The following DYDC2 variants were observed in gnomAD, a reference collection of about 807,000 sequenced individuals.
DYDC2 encodes the protein DPY30 domain-containing protein 2.
DYDC2 carries 19 observed loss-of-function variants against 18.7 expected under a neutral mutation model. That is an observed-to-expected ratio of 1.02 (90% CI 0.71 to 1.49). The LOEUF is 1.49. DYDC2 is among the 40% of genes most tolerant of loss of function. The pLI, the probability that DYDC2 is intolerant of heterozygous loss-of-function variation, is 0.00. For missense variants in DYDC2, 179 were observed against 205.1 expected (o/e 0.87, Z 0.78); for synonymous variants, 63 against 67.6 (o/e 0.93, Z 0.34).
Position 80,358,821 on chromosome 10 carries a change from G to A in DYDC2, c.-10+776G>A, listed in dbSNP as rs574659372. ...ATGAAGCCGTGGACCCTCACAGTGA[G>A]TATTACAGTTCTTAAAGGCGGCGTG... is the stretch of plus-strand genomic sequence containing the variant. On this transcript the variant is annotated intron_variant, in intron 2 of 4. Transcript: ENST00000256039. Among the ~76,000 whole-genome samples the A allele has an allele frequency of 2.6e-5, 4 of 152,272 alleles. No individual in the cohort carries two copies. The East Asian group carries it at 5.8e-4, about 22-fold the overall frequency.
At chr10:80,365,443 A>G (rs1320820736) in intron 4 of DYDC2, among the ~76,000 whole-genome samples, 1 of 152,270 alleles carries the variant, frequency 6.6e-6, no homozygotes. Context: ...TTGTTTATAA[A>G]GATCTAAACT....
intron 4 of DYDC2, among the ~76,000 whole-genome samples, chr10:80,366,119 G>T (rs1377773899): frequency 9.3e-6 from 1 of 107,742 alleles, no homozygotes; most frequent in Non-Finnish European, 1.7e-5. Flanking sequence ...TGCAACCTCT[G>T]CCTCCCCGGT....
rs149402773 is a variant in DYDC2 at position 80,366,017 on chromosome 10, T to C, written c.271-671T>C. Among the ~76,000 whole-genome samples, 104 of 147,394 alleles carry C rather than the reference T, an allele frequency of 7.1e-4. 2 individuals are homozygous for C. The highest frequency in any genetic ancestry group is 2.6e-3 in the African/African-American group (103 of 39,628). On this transcript the variant is annotated intron_variant, in intron 4 of 4. Transcript: ENST00000256039. ...CCACCATCTTTGTCATTTTGGGACC[T>C]TTTTCTTTCTCTTTTTTTTTTTTTT...
chr10:80,364,425 A>G (rs568956160), intron 4 of DYDC2, among the ~76,000 whole-genome samples: 1 of 152,328 alleles, frequency 6.6e-6, no homozygotes, highest in Non-Finnish European at 1.5e-5. Flanking sequence ...TTCTAACACC[A>G]TGCTTTACTG....
In DYDC2 at chr10:80,366,943, C is replaced by T. The variant is rs1292587644; in HGVS notation, c.526C>T (p.Pro176Ser). 4.3e-6 allele frequency: 7 copies of T among 1,612,000 alleles called. No individual in the cohort carries two copies. The Middle Eastern group carries it at 5.0e-4, about 114-fold the overall frequency. Reference protein sequence around the residue: ...AHEMPPGSKSPF With the variant: ...AHEMPPGSKSSF ...TGAAATGCCTCCTGGCTCCAAATCT[C>T]CTTTTTAGGTTACAGAAGGTAGATG... The change falls in exon 5 of 5, where the codon CCT (proline) becomes TCT (serine). Residue 176 changes from proline (P) to serine (S), a missense_variant. Coordinates refer to ENST00000256039, the MANE Select transcript of DYDC2 (RefSeq NM_032372.6).
chr10:80,356,416 G>A (rs41296131), upstream of DYDC2: 13,649 of 985,556 alleles, frequency 0.014, 102 homozygotes, highest in Non-Finnish European at 0.016. Flanking sequence ...GGGCAGGGGT[G>A]CCAGATACAG....
At chr10:80,359,301 G>C (rs912526331) in intron 2 of DYDC2, among the ~76,000 whole-genome samples, 1 of 152,194 alleles carries the variant, frequency 6.6e-6, no homozygotes, top group African/African-American at 2.4e-5. Flanking sequence ...CCTTGAGCTA[G>C]ACACGGGGTG....
At chr10:80,352,413 G>GC, upstream of DYDC2, 1 of 1,514,792 alleles carries the variant, frequency 6.6e-7, no homozygotes. Context: ...AGTTGGACCA[G>GC]TTTTTTTTCT....
rs764906814 is a variant in DYDC2, at chr10:80,345,669, T to C, written c.-310+854T>C. Among the ~76,000 whole-genome samples the C allele has an allele frequency of 5.3e-5, 8 of 152,188 alleles. 1 individual carries two copies. The highest frequency in any genetic ancestry group is 1.0e-4 in the Non-Finnish European group (7 of 68,030). ...ACATTTTTTTTTTAAGATTTCTACATAGACAGCATGTGGTATTTTTCTTTT... is the reference window on the plus strand; with the variant it reads ...ACATTTTTTTTTTAAGATTTCTACACAGACAGCATGTGGTATTTTTCTTTT... On this transcript the variant is annotated intron_variant, in intron 1 of 4. Transcript: ENST00000372197.
chr10:80,347,971 G>C (rs998318838), intron 1 of DYDC2, among the ~76,000 whole-genome samples: 3 of 152,092 alleles, frequency 2.0e-5, no homozygotes, highest in African/African-American at 7.2e-5. Context: ...TTAGAATTGG[G>C]TTTTTCTGTT....
intron 1 of DYDC2, among the ~76,000 whole-genome samples, chr10:80,346,912 T>C: frequency 6.6e-6 from 1 of 151,050 alleles, no homozygotes; most frequent in East Asian, 2.0e-4. Flanking sequence ...CCGTCTCTAC[T>C]AAAAATACAA....
In DYDC2 at chr10:80,356,929, A is replaced by T. The variant is rs1462980140; in HGVS notation, c.-163+104A>T. ...CGGCAGAGTAGAGGGGGCGCGGCAG[A>T]GTAGAGGGGGCGCGGCAGAGTGGAG... On this transcript the variant is annotated intron_variant, in intron 1 of 4. Transcript: ENST00000256039. 9.2e-6 allele frequency: 8 copies of T among 868,920 alleles called. No homozygotes were observed. The African/African-American group carries it at 1.6e-4, about 17-fold the overall frequency. 53.8% of individuals were successfully genotyped at this position (868,920 alleles called of 1,614,324 possible).
intron 4 of DYDC2, among the ~76,000 whole-genome samples, chr10:80,364,900 G>C (rs1296099894): frequency 6.6e-6 from 1 of 152,168 alleles, no homozygotes; most frequent in African/African-American, 2.4e-5. Context: ...CTTTGACAAG[G>C]CTAAATAAAG....
At chr10:80,360,959 G>A (rs1158051072) in intron 2 of DYDC2, among the ~76,000 whole-genome samples, 1 of 151,828 alleles carries the variant, frequency 6.6e-6, no homozygotes, top group Non-Finnish European at 1.5e-5. Context: ...TTTTTGTGGA[G>A]ACAGGGTTTT....
chr10:80,362,134 C>T (rs1314825225), intron 2 of DYDC2, among the ~76,000 whole-genome samples: 2 of 152,164 alleles, frequency 1.3e-5, no homozygotes, highest in African/African-American at 4.8e-5. Flanking sequence ...AAAAATGCCT[C>T]CAGAAAATGT....
At position 80,367,046 on chromosome 10, in the gene DYDC2, C is replaced by A; in HGVS notation, c.*95C>A. On this transcript the variant is annotated 3_prime_UTR_variant, in exon 5 of 5. Transcript: ENST00000256039. ...CCAAGATTTAAGGGGCTGTAAAAGGCAAGTTCAGGGACTCTCCAGCCTACT... is the reference window on the plus strand; with the variant it reads ...CCAAGATTTAAGGGGCTGTAAAAGGAAAGTTCAGGGACTCTCCAGCCTACT... 1 of 1,458,230 alleles carries A rather than the reference C, an allele frequency of 6.9e-7. No individual in the cohort carries two copies. Among genetic ancestry groups the A allele is most frequent in the Non-Finnish European group, 9.2e-7 (1 of 1,087,630 alleles). 90.3% of individuals were successfully genotyped at this position (1,458,230 alleles called of 1,614,324 possible).
intron 1 of DYDC2, among the ~76,000 whole-genome samples, chr10:80,351,566 T>C (rs776945881): frequency 1.8e-4 from 27 of 151,874 alleles, no homozygotes; most frequent in African/African-American, 6.0e-4. Context: ...GCAATAGATA[T>C]GGTTGACCAC....
chr10:80,346,651 G>A (rs113417775), intron 1 of DYDC2, among the ~76,000 whole-genome samples: 7 of 151,012 alleles, frequency 4.6e-5, no homozygotes, highest in African/African-American at 1.5e-4. Context: ...TAGTAGAGAC[G>A]GGGTTTCACC....
chr10:80,363,055 C>T lies in DYDC2; in HGVS notation c.252C>T (p.Asn84=), dbSNP rs764132041. 3 of 1,613,306 alleles carry T rather than the reference C, an allele frequency of 1.9e-6. No individual in the cohort carries two copies. Among genetic ancestry groups the T allele is most frequent in the Non-Finnish European group, 2.5e-6 (3 of 1,179,728 alleles). The change falls in exon 4 of 5, where the codon AAC becomes AAT. Residue 84 remains asparagine (N), a synonymous_variant. Transcript: ENST00000256039. ...AGGAAGAGTATCAGATTCAACAGAA[C>T]TGTGAAAAGTGTCACAAGGTAGGGA... ...LKQEEYQIQQ[N]CEKCHKELTS... is the part of the protein sequence containing the mutation.
Sources: allele counts gnomAD v4.1 joint callset (sites outside exome capture counted in the v4.1 genomes callset), GRCh38; gene constraint gnomAD v4.1.1; transcripts MANE v1.5; gene names NCBI Gene and HGNC (gene_info 2026-07-23, HGNC 2026-07-21).